OR2L2: variants seen among roughly 807,000 people sequenced by gnomAD.
OR2L2 encodes olfactory receptor family 2 subfamily L member 2.
For missense variants in OR2L2, 378 were observed against 375.2 expected (o/e 1.01, Z -0.06); for synonymous variants, 156 against 135.4 (o/e 1.15, Z -1.06).
Position 248,039,917 on chromosome 1 carries a change from T to G in OR2L2, c.*711T>G, listed in dbSNP as rs1662896365. On this transcript the variant is annotated 3_prime_UTR_variant, in exon 3 of 3. Coordinates refer to ENST00000641771, the MANE Select transcript of OR2L2 (RefSeq NM_001385855.1). ...TGTTTGTGGAGCAGCCAATTTGGCT[T>G]TAGAAAAACAAGAGTTTCTGTATAA... is the stretch of plus-strand genomic sequence containing the variant. The G allele has an allele frequency of 6.6e-6, 1 of 152,218 alleles. No individual in the cohort carries two copies. The highest frequency in any genetic ancestry group is 1.5e-5 in the Non-Finnish European group (1 of 68,050). The allele number at this position is 152,218 out of a possible 1,614,324, so 9.4% of individuals were successfully genotyped here.
intron 2 of OR2L2, among the ~76,000 whole-genome samples, chr1:248,037,921 C>A (rs1025385688): frequency 6.6e-6 from 1 of 152,134 alleles, no homozygotes; most frequent in African/African-American, 2.4e-5. Flanking sequence ...TTTGATTTCC[C>A]ATGAAGCATT....
chr1:248,032,868 G>C (rs1263917503), intron 1 of OR2L2, among the ~76,000 whole-genome samples: 1 of 152,094 alleles, frequency 6.6e-6, no homozygotes, highest in East Asian at 1.9e-4. Flanking sequence ...ATTCAGAAGT[G>C]AAATAGTTGG....
chr1:248,036,780 T>C (rs1558192217), intron 2 of OR2L2, among the ~76,000 whole-genome samples: 1 of 152,192 alleles, frequency 6.6e-6, no homozygotes, highest in Non-Finnish European at 1.5e-5. Flanking sequence ...AAGTGAATGG[T>C]CATTTCTCCA....
chr1:248,034,951 G>A (rs1012235982), intron 1 of OR2L2, among the ~76,000 whole-genome samples: 9 of 152,006 alleles, frequency 5.9e-5, no homozygotes, highest in African/African-American at 7.2e-5. Flanking sequence ...TTTTCTTTGC[G>A]TGGAGTCCTA....
chr1:248,037,881 T>C (rs1001048871), intron 2 of OR2L2, among the ~76,000 whole-genome samples: 5 of 152,212 alleles, frequency 3.3e-5, no homozygotes, highest in African/African-American at 9.6e-5. Flanking sequence ...CCTACCTTGT[T>C]CTCCTCACTT....
rs1319596163 is a variant in OR2L2, at chr1:248,039,059, G to A, written c.792G>A (p.Leu264=). 1.2e-6 allele frequency: 2 copies of A among 1,613,980 alleles called. No homozygotes were observed. Among genetic ancestry groups the A allele is most frequent in the East Asian group, 2.2e-5 (1 of 44,860 alleles). Residue 264 remains leucine, a synonymous_variant, in exon 3 of 3, where the codon CTG becomes CTA. Coordinates refer to ENST00000641771, the MANE Select transcript of OR2L2 (RefSeq NM_001385855.1). Reference sequence around the variant, plus strand: ...ATACCTATGTACGTCCAAGATCCCTGCGATCTCCAACAGAGGACAAGATTC... The same window carrying A: ...ATACCTATGTACGTCCAAGATCCCTACGATCTCCAACAGAGGACAAGATTC... ...FAYTYVRPRS[L]RSPTEDKILA...
Position 248,039,216 on chromosome 1 carries a change from C to T in OR2L2, c.*10C>T. 1.3e-6 allele frequency: 2 copies of T among 1,596,420 alleles called. No individual in the cohort carries two copies. Among genetic ancestry groups the T allele is most frequent in the Middle Eastern group, 3.4e-4 (2 of 5,956 alleles). On this transcript the variant is annotated 3_prime_UTR_variant, in exon 3 of 3. Transcript: ENST00000641771. ...CTCAGTGAAAATGTAGACATACGTT[C>T]TGTGTTAGAGTCAAAGCGCTAGGTT...
intron 1 of OR2L2, among the ~76,000 whole-genome samples, chr1:248,031,869 A>G (rs1026419352): frequency 5.3e-5 from 8 of 152,168 alleles, no homozygotes; most frequent in African/African-American, 1.9e-4. Flanking sequence ...ATATGGCATT[A>G]CATATGAGAT....
At position 248,041,759 on chromosome 1, in the gene OR2L2, A is replaced by G. The variant is rs992939410; in HGVS notation, c.*2553A>G. On this transcript the variant is annotated 3_prime_UTR_variant, in exon 3 of 3. Transcript: ENST00000641771. ...ATGCAGCCAAAAAACACATGAAAAA[A>G]TGCTCACCGTTACTGGCCGTCAGAG... is the stretch of plus-strand genomic sequence containing the variant. 5.9e-5 allele frequency: 9 copies of G among 152,364 alleles called. No individual in the cohort carries two copies. The highest frequency in any genetic ancestry group is 2.6e-4 in the Admixed American group (4 of 15,288). The allele number at this position is 152,364 out of a possible 1,614,324, so 9.4% of individuals were successfully genotyped here. A position where few individuals can be genotyped will look rare whatever the true frequency, so the allele number is the denominator to read the frequency against.
chr1:248,041,169 C>G lies in OR2L2; in HGVS notation c.*1963C>G, dbSNP rs1469314507. On this transcript the variant is annotated 3_prime_UTR_variant, in exon 3 of 3. Coordinates refer to ENST00000641771, the MANE Select transcript of OR2L2 (RefSeq NM_001385855.1). ...CTGGTACCAAAACAGAAATATAGAT[C>G]AATGCAACAGAACAGAGCCCTCAGA... is the stretch of plus-strand genomic sequence containing the variant. 3 of 152,098 alleles carry G rather than the reference C, an allele frequency of 2.0e-5. No individual in the cohort carries two copies. Among genetic ancestry groups the G allele is most frequent in the African/African-American group, 7.2e-5 (3 of 41,404 alleles). The allele number at this position is 152,098 out of a possible 1,614,324, so 9.4% of individuals were successfully genotyped here.
rs761616428 is a variant in OR2L2 at position 248,039,234 on chromosome 1, G to A, written c.*28G>A. On this transcript the variant is annotated 3_prime_UTR_variant, in exon 3 of 3. Coordinates refer to ENST00000641771, the MANE Select transcript of OR2L2 (RefSeq NM_001385855.1). ...ATACGTTCTGTGTTAGAGTCAAAGC[G>A]CTAGGTTCATATCAACTTAGTAGTG... 15 of 1,574,812 alleles carry A rather than the reference G, an allele frequency of 9.5e-6. No homozygotes were observed. Among genetic ancestry groups the A allele is most frequent in the Middle Eastern group, 1.7e-4 (1 of 5,848 alleles).
chr1:248,037,408 T>A (rs1662793576), intron 2 of OR2L2, among the ~76,000 whole-genome samples: 1 of 152,154 alleles, frequency 6.6e-6, no homozygotes, highest in Non-Finnish European at 1.5e-5. Flanking sequence ...CATATGCATT[T>A]AATTTACCTT....
chr1:248,032,141 T>C (rs1366808979), intron 1 of OR2L2, among the ~76,000 whole-genome samples: 2 of 152,106 alleles, frequency 1.3e-5, no homozygotes, highest in Non-Finnish European at 2.9e-5. Context: ...TAAAAAGTAA[T>C]TTGTTCTTCT....
chr1:248,038,342 C>T lies in OR2L2; in HGVS notation c.75C>T (p.Phe25=), dbSNP rs201120288. The T allele has an allele frequency of 9.9e-6, 16 of 1,613,270 alleles. No individual in the cohort carries two copies. The highest frequency in any genetic ancestry group is 3.3e-4 in the Middle Eastern group (2 of 6,076). ...GLFPQSRIGL[F]VFTLIFLIFL... is the part of the protein sequence containing the mutation. Reference sequence around the variant, plus strand: ...TCCCACAATCAAGAATTGGCCTTTTCGTATTCACCCTCATTTTTCTCATTT... The same window carrying T: ...TCCCACAATCAAGAATTGGCCTTTTTGTATTCACCCTCATTTTTCTCATTT... Residue 25 remains phenylalanine, a synonymous_variant, in exon 3 of 3, where the codon TTC becomes TTT. Coordinates refer to ENST00000641771, the MANE Select transcript of OR2L2 (RefSeq NM_001385855.1).
intron 1 of OR2L2, 24 bp from the exon 2 acceptor site, chr1:248,035,526 C>A (rs1662736939): frequency 6.6e-6 from 1 of 152,078 alleles, no homozygotes; most frequent in African/African-American, 2.4e-5. Context: ...ATAATTTTTA[C>A]ATCACTTTAA....
At chr1:248,034,190 C>A (rs2103091176) in intron 1 of OR2L2, among the ~76,000 whole-genome samples, 1 of 152,260 alleles carries the variant, frequency 6.6e-6, no homozygotes, top group Non-Finnish European at 1.5e-5. Flanking sequence ...ACGTACCATG[C>A]TCATGGATAG....
In OR2L2 at chr1:248,039,313, A is replaced by G; in HGVS notation, c.*107A>G. 1 of 1,028,052 alleles carries G rather than the reference A, an allele frequency of 9.7e-7. No individual in the cohort carries two copies. Among genetic ancestry groups the G allele is most frequent in the Non-Finnish European group, 1.4e-6 (1 of 708,918 alleles). 63.7% of individuals were successfully genotyped at this position (1,028,052 alleles called of 1,614,324 possible). A position where few individuals can be genotyped will look rare whatever the true frequency, so the allele number is the denominator to read the frequency against. Reference sequence around the variant, plus strand: ...TGCCCAGTGTGTCAAACAGAAGTTAATCTAGAAGAAATTTGTCTTTTAATT... The same window carrying G: ...TGCCCAGTGTGTCAAACAGAAGTTAGTCTAGAAGAAATTTGTCTTTTAATT... On this transcript the variant is annotated 3_prime_UTR_variant, in exon 3 of 3. Coordinates refer to ENST00000641771, the MANE Select transcript of OR2L2 (RefSeq NM_001385855.1).
Position 248,034,405 on chromosome 1 carries a change from T to G in OR2L2, c.-96-1145T>G, listed in dbSNP as rs555301330. 2.0e-5 allele frequency among the ~76,000 whole-genome samples: 3 copies of G among 151,436 alleles called. No homozygotes were observed. The South Asian group carries it at 6.2e-4, about 31-fold the overall frequency. On this transcript the variant is annotated intron_variant, in intron 1 of 2. Coordinates refer to ENST00000641771, the MANE Select transcript of OR2L2 (RefSeq NM_001385855.1). ...AAGTTTTAAAATCAGAAAGTATCAG[T>G]TTTTCAATTTTGTCCTTAAAAAAAC...
At chr1:248,030,791 T>A (rs1347173881) in intron 1 of OR2L2, among the ~76,000 whole-genome samples, 2 of 152,162 alleles carry the variant, frequency 1.3e-5, no homozygotes, top group Admixed American at 1.3e-4. Context: ...TTAAAACCAA[T>A]GGAATCACGG....
Sources: gnomAD v4.1 joint callset for allele counts (sites outside exome capture counted in the v4.1 genomes callset) on GRCh38, gnomAD v4.1.1 for gene constraint, MANE v1.5 for transcripts, NCBI Gene and HGNC (gene_info 2026-07-23, HGNC 2026-07-21) for gene names.